ENPP3: variants seen among roughly 807,000 people sequenced by gnomAD.
ENPP3 encodes ectonucleotide pyrophosphatase/phosphodiesterase 3.
ENPP3 carries 104 observed loss-of-function variants against 117.8 expected under a neutral mutation model. The observed-to-expected ratio is 0.88, with a 90% CI of 0.75 to 1.04. The LOEUF (loss-of-function observed/expected upper bound fraction) is 1.04. Among genes scored for constraint, ENPP3 ranks in the 50% least tolerant of loss-of-function variants. The pLI, the probability that ENPP3 is intolerant of heterozygous loss-of-function variation, is 0.00. For missense variants in ENPP3, 1,026 were observed against 1,051.9 expected (o/e 0.98, Z 0.34); for synonymous variants, 380 against 349.9 (o/e 1.09, Z -0.96).
chr6:131,721,889 C>G (rs1362596017), intron 17 of ENPP3, among the ~76,000 whole-genome samples: 1 of 152,158 alleles, frequency 6.6e-6, no homozygotes, highest in Non-Finnish European at 1.5e-5. Context: ...GCAACTGTTC[C>G]TATTCCTCAT....
chr6:131,733,345 T>C (rs950367195), intron 20 of ENPP3, among the ~76,000 whole-genome samples: 6 of 152,208 alleles, frequency 3.9e-5, no homozygotes, highest in African/African-American at 1.4e-4. Flanking sequence ...AATTCAGGTT[T>C]CACTGTGCAA....
At chr6:131,700,577 C>A (rs772161733) in intron 15 of ENPP3, 1 of 1,459,014 alleles carries the variant, frequency 6.9e-7, no homozygotes, top group East Asian at 2.6e-5. Context: ...GGCTGTGAAA[C>A]AGCAGGAGAT....
intron 2 of ENPP3, among the ~76,000 whole-genome samples, chr6:131,646,604 A>T (rs981760339): frequency 1.7e-4 from 26 of 151,856 alleles, no homozygotes; most frequent in African/African-American, 6.0e-4. Context: ...AGCTTTTACC[A>T]ATTCTCCTAT....
At chr6:131,719,275 A>G (rs1220871086) in intron 16 of ENPP3, among the ~76,000 whole-genome samples, 3 of 152,000 alleles carry the variant, frequency 2.0e-5, no homozygotes, top group East Asian at 3.9e-4. Context: ...ACAGCCACTG[A>G]AAAGGGCCAA....
intron 3 of ENPP3, among the ~76,000 whole-genome samples, chr6:131,652,152 C>A (rs1300822153): frequency 6.6e-6 from 1 of 152,196 alleles, no homozygotes; most frequent in Non-Finnish European, 1.5e-5. Flanking sequence ...CTTCTGTTGT[C>A]ACCTTTTCTT....
In ENPP3 at chr6:131,720,305, C is replaced by A; in HGVS notation, c.1493C>A (p.Ala498Glu). 1 of 1,591,070 alleles carries A rather than the reference C, an allele frequency of 6.3e-7. No homozygotes were observed. The highest frequency in any genetic ancestry group is 1.7e-5 in the Admixed American group (1 of 57,888). ...EFRSMEAIFL[A>E]HGPSFKEKTE... ...ATTATGACCTAGGCTATCTTTCTGG[C>A]ACATGGACCCAGTTTTAAAGAGAAG... is the stretch of plus-strand genomic sequence containing the variant. The change falls in exon 17 of 25, where the codon GCA (alanine) becomes GAA (glutamate). Residue 498 changes from alanine (A) to glutamate (E), a missense_variant. Coordinates refer to ENST00000357639, the MANE Select transcript of ENPP3 (RefSeq NM_005021.5).
chr6:131,639,261 A>ATTTT (rs1237341722), intron 1 of ENPP3, among the ~76,000 whole-genome samples: 17 of 65,116 alleles, frequency 2.6e-4, no homozygotes, highest in South Asian at 6.8e-4. Context: ...ATATATATAT[A>ATTTT]TATATTTTTT....
At chr6:131,722,189 G>A (rs1177269076) in intron 17 of ENPP3, 38 bp from the exon 18 acceptor site, 4 of 1,477,722 alleles carry the variant, frequency 2.7e-6, no homozygotes, top group Non-Finnish European at 3.7e-6. Flanking sequence ...TTGCTTTCCA[G>A]TGTAAAGCTA....
chr6:131,692,695 T>C (rs1363934212), intron 14 of ENPP3, among the ~76,000 whole-genome samples: 2 of 146,382 alleles, frequency 1.4e-5, no homozygotes, highest in African/African-American at 2.5e-5. Context: ...ATATATTACA[T>C]ATAATATATA....
intron 15 of ENPP3, chr6:131,701,350 C>G: frequency 6.2e-7 from 1 of 1,613,562 alleles, no homozygotes; most frequent in Non-Finnish European, 8.5e-7. Context: ...CTTGGGCCAA[C>G]GGGAAATCCC....
chr6:131,653,672 A>G (rs1778313591), intron 5 of ENPP3, among the ~76,000 whole-genome samples: 1 of 152,064 alleles, frequency 6.6e-6, no homozygotes, highest in Non-Finnish European at 1.5e-5. Context: ...TGGGCCTCCC[A>G]AAGTGTTGGG....
intron 5 of ENPP3, among the ~76,000 whole-genome samples, chr6:131,657,727 G>A (rs910275200): frequency 1.3e-5 from 2 of 152,194 alleles, no homozygotes; most frequent in African/African-American, 2.4e-5. Context: ...GTGGGGTGTG[G>A]TTTGGAGAAT....
intron 18 of ENPP3, 42 bp from the exon 19 acceptor site, chr6:131,723,998 T>A (rs374790638): frequency 6.8e-7 from 1 of 1,463,866 alleles, no homozygotes; most frequent in African/African-American, 1.4e-5. Flanking sequence ...ATTGTTGCTT[T>A]GACTTATTTC....
At chr6:131,651,665 T>G (rs943144401) in intron 3 of ENPP3, among the ~76,000 whole-genome samples, 6 of 151,974 alleles carry the variant, frequency 3.9e-5, no homozygotes, top group African/African-American at 1.5e-4. Context: ...AAGGTGGTGG[T>G]GGGGGGGTGT....
chr6:131,681,369 T>C (rs994209297), intron 11 of ENPP3, among the ~76,000 whole-genome samples: 8 of 152,166 alleles, frequency 5.3e-5, no homozygotes, highest in African/African-American at 1.7e-4. Flanking sequence ...GATAATGCAC[T>C]AAAGACCTTA....
At position 131,637,326 on chromosome 6, in the gene ENPP3, G is replaced by A; in HGVS notation, c.-59G>A. ...CATACAGTTTCTCTTTGCCAGACTAGACTAAAGAAGGAGCACTAATTTATT... is the reference window on the plus strand; with the variant it reads ...CATACAGTTTCTCTTTGCCAGACTAAACTAAAGAAGGAGCACTAATTTATT... On this transcript the variant is annotated 5_prime_UTR_variant, in exon 1 of 25. Coordinates refer to ENST00000357639, the MANE Select transcript of ENPP3 (RefSeq NM_005021.5). 9.2e-7 allele frequency: 1 copy of A among 1,086,458 alleles called. No individual in the cohort carries two copies. Among genetic ancestry groups the A allele is most frequent in the South Asian group, 1.8e-5 (1 of 57,014 alleles). The allele number at this position is 1,086,458 out of a possible 1,614,324, so 67.3% of individuals were successfully genotyped here.
intron 15 of ENPP3, among the ~76,000 whole-genome samples, chr6:131,696,431 A>G (rs906674516): frequency 1.3e-5 from 2 of 152,204 alleles, no homozygotes; most frequent in African/African-American, 4.8e-5. Flanking sequence ...AAGGAGCATC[A>G]GAGAATGCTT....
rs143295882 is a variant in ENPP3 at position 131,734,705 on chromosome 6, T to C, written c.2089+982T>C. 3.7e-3 allele frequency among the ~76,000 whole-genome samples: 555 copies of C among 151,940 alleles called. 6 individuals carry two copies. Among genetic ancestry groups the C allele is most frequent in the African/African-American group, 0.013 (540 of 41,408 alleles). On this transcript the variant is annotated intron_variant, in intron 21 of 24. Transcript: ENST00000357639. Reference sequence around the variant, plus strand: ...TGAGATCAGGAGTTCGAGAACAGCCTGGCCAACATGGTGAAACCCTGTCCC... The same window carrying C: ...TGAGATCAGGAGTTCGAGAACAGCCCGGCCAACATGGTGAAACCCTGTCCC...
intron 15 of ENPP3, chr6:131,709,461 G>A: frequency 1.9e-6 from 3 of 1,604,346 alleles, no homozygotes; most frequent in Non-Finnish European, 2.5e-6. Flanking sequence ...GACTACATGG[G>A]GAATGCTCTC....
Sources: allele counts gnomAD v4.1 joint callset (sites outside exome capture counted in the v4.1 genomes callset), GRCh38; gene constraint gnomAD v4.1.1; transcripts MANE v1.5; gene names NCBI Gene and HGNC (gene_info 2026-07-23, HGNC 2026-07-21).